Variants in MAVS observed in about 807,000 individuals in gnomAD.
The protein encoded by MAVS is mitochondrial antiviral-signaling protein.
In MAVS, 20 loss-of-function variants were observed where a neutral mutation model predicts 30.2. That is an observed-to-expected ratio of 0.66 (90% CI 0.47 to 0.96). MAVS has a LOEUF of 0.96. Ranked by LOEUF, MAVS falls within the 40% of genes least tolerant of loss-of-function variation. MAVS has a pLI of 0.00. For synonymous variants in MAVS, 278 were observed against 293.9 expected, an observed-to-expected ratio of 0.95 and a Z score of 0.55; for missense variants, 624 against 701.1, an observed-to-expected ratio of 0.89 and a Z score of 1.24.
chr20:3,859,658 T>G (rs1166680329), intron 3 of MAVS, among the ~76,000 whole-genome samples: 2 of 151,984 alleles, frequency 1.3e-5, no homozygotes, highest in African/African-American at 4.8e-5. Context: ...AGAAAGCCAC[T>G]GGGTCCTAGG....
rs553005251 is a variant in MAVS at position 3,865,125 on chromosome 20, C to T, written c.1158+337C>T. Among the ~76,000 whole-genome samples, 15 of 152,262 alleles carry T rather than the reference C, an allele frequency of 9.9e-5. No individual in the cohort carries two copies. The South Asian group carries it at 1.0e-3, about 11-fold the overall frequency. ...CGTTTTGCACATAAGGAAGCAGTGA[C>T]GGGGACAGCACAGTGGCCCATCTGC... On this transcript the variant is annotated intron_variant, in intron 6 of 6. Coordinates refer to ENST00000428216, the MANE Select transcript of MAVS (RefSeq NM_020746.5). The surrounding 1 kb of genome is among the most constrained non-coding windows in gnomAD (Gnocchi z 4.7).
At chr20:3,855,607 GCCTCCTGT>G (rs1176600524) in intron 2 of MAVS, among the ~76,000 whole-genome samples, 2 of 152,112 alleles carry the variant, frequency 1.3e-5, no homozygotes, top group Non-Finnish European at 2.9e-5. Context: ...CTCTTTTGGG[GCCTCCTGT>G]CCTCAGATTT....
In MAVS at chr20:3,864,465, G is replaced by T; in HGVS notation, c.835G>T (p.Glu279Ter). ...ACAGGGTGCAGAGAGTGACCAGGCC[G>T]AGCCTATCATCTGCTCCAGTGGGGC... The part of the protein sequence containing the change: ...GKQGAESDQA[E>*]PIICSSGAEA... The change falls in exon 6 of 7, where the codon GAG becomes TAG. Residue 279 changes from glutamate (E) to a stop codon, truncating the protein, a stop_gained. Transcript: ENST00000428216. LOFTEE classifies it high-confidence loss of function. The T allele has an allele frequency of 1.9e-6, 3 of 1,613,990 alleles. No individual in the cohort carries two copies. The highest frequency in any genetic ancestry group is 2.5e-6 in the Non-Finnish European group (3 of 1,180,016).
At chr20:3,859,325 G>A (rs2089842472) in intron 3 of MAVS, among the ~76,000 whole-genome samples, 1 of 151,970 alleles carries the variant, frequency 6.6e-6, no homozygotes, top group Non-Finnish European at 1.5e-5. Flanking sequence ...GGCCAATATG[G>A]TGAAACCCTG....
chr20:3,858,118 G>C (rs2146766052), intron 3 of MAVS, among the ~76,000 whole-genome samples: 1 of 152,178 alleles, frequency 6.6e-6, no homozygotes, highest in South Asian at 2.1e-4. Flanking sequence ...GCTGGGCTGG[G>C]CACTTCCTGT....
intron 3 of MAVS, chr20:3,858,054 G>A: frequency 1.8e-6 from 1 of 543,586 alleles, no homozygotes; most frequent in Non-Finnish European, 3.4e-6. Context: ...GGCAGCATCT[G>A]CCGCGGGGAG....
chr20:3,851,048 C>CCAA (rs1234984325), intron 1 of MAVS, among the ~76,000 whole-genome samples: 2 of 151,978 alleles, frequency 1.3e-5, no homozygotes, highest in African/African-American at 4.8e-5. Flanking sequence ...TGGCCAGGCG[C>CCAA]GTTGGCTGGC....
At chr20:3,861,005 T>A (rs1307755657) in intron 3 of MAVS, among the ~76,000 whole-genome samples, 3 of 148,966 alleles carry the variant, frequency 2.0e-5, no homozygotes, top group African/African-American at 7.5e-5. Flanking sequence ...TCTTTCTTTT[T>A]TTTTTTAGAC....
At position 3,864,406 on chromosome 20, in the gene MAVS, C is replaced by T; in HGVS notation, c.776C>T (p.Pro259Leu). The change falls in exon 6 of 7, where the codon CCT (proline) becomes CTT (leucine). Residue 259 changes from proline to leucine, a missense_variant. By Grantham distance (98) the Pro-to-Leu change is moderately conservative. Transcript: ENST00000428216. ...GGCACCTCCTTCTCCTCCTCATCCC[C>T]TGGCTTGGCCTCTGCAGGGGCTGCA... ...STGTSFSSSS[P>L]GLASAGAAEG... 6.2e-7 allele frequency: 1 copy of T among 1,614,090 alleles called. No individual in the cohort carries two copies. Among genetic ancestry groups the T allele is most frequent in the Non-Finnish European group, 8.5e-7 (1 of 1,180,024 alleles).
At position 3,866,648 on chromosome 20, in the gene MAVS, G is replaced by A. The variant is rs2089911232; in HGVS notation, c.*501G>A. 2 of 354,904 alleles carry A rather than the reference G, an allele frequency of 5.6e-6. No individual in the cohort carries two copies. The highest frequency in any genetic ancestry group is 7.6e-5 in the Admixed American group (2 of 26,204). The allele number at this position is 354,904 out of a possible 1,614,324, so 22.0% of individuals were successfully genotyped here. A position where few individuals can be genotyped will look rare whatever the true frequency, so the allele number is the denominator to read the frequency against. On this transcript the variant is annotated 3_prime_UTR_variant, in exon 7 of 7. Coordinates refer to ENST00000428216, the MANE Select transcript of MAVS (RefSeq NM_020746.5). ...GACCGTTGCATTGAGGCAGGCAGGAGCGGCAGGGTGGCTGCTCTCCAGGAG... is the reference window on the plus strand; with the variant it reads ...GACCGTTGCATTGAGGCAGGCAGGAACGGCAGGGTGGCTGCTCTCCAGGAG...
In MAVS at chr20:3,864,719, G is replaced by C. The variant is rs765002198; in HGVS notation, c.1089G>C (p.Val363=). 3 of 1,614,240 alleles carry C rather than the reference G, an allele frequency of 1.9e-6. No homozygotes were observed. The Admixed American group carries it at 5.0e-5, about 27-fold the overall frequency. Residue 363 remains valine, a synonymous_variant, in exon 6 of 7, where the codon GTG becomes GTC. Coordinates refer to ENST00000428216, the MANE Select transcript of MAVS (RefSeq NM_020746.5). ...STRAGMVPSK[V]PTSMVLTKVS... ...GTGCTGGCATGGTGCCATCCAAAGT[G>C]CCTACTAGCATGGTGCTCACCAAGG...
rs1036778379 is a variant in MAVS at position 3,869,143 on chromosome 20, C to G, written c.*2996C>G. On this transcript the variant is annotated 3_prime_UTR_variant, in exon 7 of 7. Coordinates refer to ENST00000428216, the MANE Select transcript of MAVS (RefSeq NM_020746.5). The stretch of plus-strand genomic sequence containing the variant: ...TTCTGAGTAACTAGGACTTCAGGTA[C>G]CTGTCACCATGCCTGGCTAATTAAA... 6.6e-6 allele frequency: 1 copy of G among 152,078 alleles called. No individual in the cohort carries two copies. Among genetic ancestry groups the G allele is most frequent in the Non-Finnish European group, 1.5e-5 (1 of 68,094 alleles). 9.4% of individuals were successfully genotyped at this position (152,078 alleles called of 1,614,324 possible). A position where few individuals can be genotyped will look rare whatever the true frequency, so the allele number is the denominator to read the frequency against.
At chr20:3,849,754 C>A (rs1311938821) in intron 1 of MAVS, among the ~76,000 whole-genome samples, 1 of 152,130 alleles carries the variant, frequency 6.6e-6, no homozygotes, top group African/African-American at 2.4e-5. Context: ...TCTTTAGAGC[C>A]TTTATTGCTA....
At position 3,864,488 on chromosome 20, in the gene MAVS, G is replaced by C; in HGVS notation, c.858G>C (p.Gly286=). The C allele has an allele frequency of 6.2e-7, 1 of 1,614,000 alleles. No individual in the cohort carries two copies. Among genetic ancestry groups the C allele is most frequent in the South Asian group, 1.1e-5 (1 of 91,080 alleles). Residue 286 remains glycine (G), a synonymous_variant, in exon 6 of 7, where the codon GGG becomes GGC. Transcript: ENST00000428216. ...CCGAGCCTATCATCTGCTCCAGTGGGGCAGAGGCACCTGCCAACTCTCTGC... is the reference window on the plus strand; with the variant it reads ...CCGAGCCTATCATCTGCTCCAGTGGCGCAGAGGCACCTGCCAACTCTCTGC... ...DQAEPIICSS[G]AEAPANSLPS...
Position 3,872,604 on chromosome 20 carries a change from C to A in MAVS, c.*6457C>A, listed in dbSNP as rs1210853927. 6.6e-6 allele frequency: 1 copy of A among 152,312 alleles called. No individual in the cohort carries two copies. 9.4% of individuals were successfully genotyped at this position (152,312 alleles called of 1,614,324 possible). A position where few individuals can be genotyped will look rare whatever the true frequency, so the allele number is the denominator to read the frequency against. On this transcript the variant is annotated 3_prime_UTR_variant, in exon 7 of 7. Coordinates refer to ENST00000428216, the MANE Select transcript of MAVS (RefSeq NM_020746.5). ...CGTGTGTGCCCAGCCAGGCTCAATG[C>A]CCCAGGCTGGGCGAGGTGGGGCAGG...
chr20:3,853,432 G>C (rs1200152604), intron 1 of MAVS, among the ~76,000 whole-genome samples: 1 of 150,882 alleles, frequency 6.6e-6, no homozygotes, highest in East Asian at 2.0e-4. Context: ...CTTGCAGTGA[G>C]CCGAGATCGC....
intron 3 of MAVS, 164 bp downstream of exon 3, chr20:3,857,973 G>A: frequency 1.4e-6 from 1 of 735,882 alleles, no homozygotes; most frequent in South Asian, 1.6e-5. Context: ...CCACTTACCA[G>A]CTGTGTCCCT....
In MAVS at chr20:3,864,751, C is replaced by T. The variant is rs1487329143; in HGVS notation, c.1121C>T (p.Ala374Val). 4.3e-6 allele frequency: 7 copies of T among 1,614,164 alleles called. No individual in the cohort carries two copies. Among genetic ancestry groups the T allele is most frequent in the Non-Finnish European group, 5.9e-6 (7 of 1,180,036 alleles). ...PTSMVLTKVS[A>V]STVPTDGSSR... is the part of the protein sequence containing the mutation. ...AGCATGGTGCTCACCAAGGTGTCTG[C>T]CAGCACAGTCCCCACTGACGGGAGC... The change falls in exon 6 of 7, where the codon GCC (alanine) becomes GTC (valine). Residue 374 changes from alanine (A) to valine (V), a missense_variant. Physicochemically the swap from Ala to Val is moderately conservative, Grantham distance 64 (BLOSUM62 0). Transcript: ENST00000428216.
At chr20:3,854,038 A>G (rs1390406664) in intron 1 of MAVS, among the ~76,000 whole-genome samples, 4 of 150,018 alleles carry the variant, frequency 2.7e-5, no homozygotes, top group African/African-American at 9.9e-5. Context: ...ACCTCAGTTA[A>G]TCCCCCAAAT....
Sources: allele counts gnomAD v4.1 joint callset (sites outside exome capture counted in the v4.1 genomes callset), GRCh38; gene constraint gnomAD v4.1.1; non-coding constraint Gnocchi (gnomAD v3.1); transcripts MANE v1.5; gene names NCBI Gene and HGNC (gene_info 2026-07-23, HGNC 2026-07-21).